Variants in PPARGC1A observed in about 807,000 individuals in gnomAD.
The protein encoded by PPARGC1A is peroxisome proliferator-activated receptor gamma coactivator 1-alpha.
A neutral mutation model predicts 88.7 loss-of-function variants in PPARGC1A; 25 were observed. The ratio of observed to expected loss-of-function variants is 0.28; its 90% CI spans 0.21 to 0.39. PPARGC1A has a LOEUF of 0.39. Ranked by LOEUF, PPARGC1A falls within the 10% of genes least tolerant of loss-of-function variation. The pLI, the probability that PPARGC1A is intolerant of heterozygous loss-of-function variation, is 1.00. For synonymous variants in PPARGC1A, 363 were observed against 355.6 expected (o/e 1.02, Z -0.24); for missense variants, 880 against 968.7 (o/e 0.91, Z 1.22).
chr4:24,002,010 G>A, the PPARGC1A span, among the ~76,000 whole-genome samples: 28 of 151,860 alleles, frequency 1.8e-4, no homozygotes, highest in African/African-American at 5.3e-4. Context: ...CATCCTGGCC[G>A]TCAGGAAGTC....
At chr4:23,904,814 G>T (rs960547170), upstream of PPARGC1A, among the ~76,000 whole-genome samples, 1 of 152,176 alleles carries the variant, frequency 6.6e-6, no homozygotes, top group African/African-American at 2.4e-5. Flanking sequence ...ATTACTCACA[G>T]AAGGGCACCC....
the PPARGC1A span, among the ~76,000 whole-genome samples, chr4:24,465,346 G>A: frequency 1.3e-5 from 2 of 151,966 alleles, no homozygotes; most frequent in East Asian, 1.9e-4. Flanking sequence ...CATAGAATCC[G>A]AAAGAAAGAA....
chr4:24,175,312 T>C, the PPARGC1A span, among the ~76,000 whole-genome samples: 1 of 151,566 alleles, frequency 6.6e-6, no homozygotes, highest in Non-Finnish European at 1.5e-5. Context: ...CATTTTGTGA[T>C]AACAACCATT....
At chr4:24,022,198 C>T in the PPARGC1A span, among the ~76,000 whole-genome samples, 10 of 152,144 alleles carry the variant, frequency 6.6e-5, no homozygotes, top group African/African-American at 2.4e-4. Flanking sequence ...TTCTGCCTGG[C>T]TCTCTGTATC....
the PPARGC1A span, among the ~76,000 whole-genome samples, chr4:24,361,511 TTCTC>T: frequency 1.3e-5 from 2 of 151,950 alleles, no homozygotes; most frequent in Non-Finnish European, 2.9e-5. Flanking sequence ...CTCTGCCTCT[TTCTC>T]TCTCTCTCTC....
chr4:24,036,135 C>T, the PPARGC1A span, among the ~76,000 whole-genome samples: 1 of 152,132 alleles, frequency 6.6e-6, no homozygotes, highest in African/African-American at 2.4e-5. Flanking sequence ...TTGCCTATCT[C>T]ATAGAGTTAT....
At chr4:24,047,619 C>A in the PPARGC1A span, among the ~76,000 whole-genome samples, 2 of 152,160 alleles carry the variant, frequency 1.3e-5, no homozygotes. Flanking sequence ...CCCGGGCAGA[C>A]AGACACATAC....
the PPARGC1A span, among the ~76,000 whole-genome samples, chr4:24,082,590 A>G: frequency 6.6e-6 from 1 of 152,194 alleles, no homozygotes; most frequent in Admixed American, 6.5e-5. Context: ...ACCAGCTGCT[A>G]TGACTTGAGG....
the PPARGC1A span, among the ~76,000 whole-genome samples, chr4:24,035,255 T>C: frequency 2.2e-4 from 34 of 152,124 alleles, no homozygotes; most frequent in Non-Finnish European, 4.6e-4. Context: ...AAAAAAAACT[T>C]TGGACCAGGT....
At chr4:24,232,612 G>A in the PPARGC1A span, among the ~76,000 whole-genome samples, 1 of 152,178 alleles carries the variant, frequency 6.6e-6, no homozygotes, top group African/African-American at 2.4e-5. Flanking sequence ...TAGTAATACA[G>A]GGATGCACAA....
the PPARGC1A span, among the ~76,000 whole-genome samples, chr4:23,936,290 A>G: frequency 6.6e-6 from 1 of 152,234 alleles, no homozygotes; most frequent in African/African-American, 2.4e-5. Context: ...TACTTTGCAC[A>G]GATGGATTGA....
chr4:24,047,626 A>G, the PPARGC1A span, among the ~76,000 whole-genome samples: 3 of 152,214 alleles, frequency 2.0e-5, no homozygotes. Flanking sequence ...AGACAGACAC[A>G]TACAAACCCC....
the PPARGC1A span, among the ~76,000 whole-genome samples, chr4:24,383,199 A>G: frequency 6.6e-6 from 1 of 152,194 alleles, no homozygotes; most frequent in African/African-American, 2.4e-5. Flanking sequence ...AAGAACATCC[A>G]CATAGAAAGC....
In PPARGC1A at chr4:23,795,752, T is replaced by C; in HGVS notation, c.*70A>G. 2 of 1,219,930 alleles carry C rather than the reference T, an allele frequency of 1.6e-6. No homozygotes were observed. The highest frequency in any genetic ancestry group is 2.3e-6 in the Non-Finnish European group (2 of 863,068). 75.6% of individuals were successfully genotyped at this position (1,219,930 alleles called of 1,614,324 possible). A position where few individuals can be genotyped will look rare whatever the true frequency, so the allele number is the denominator to read the frequency against. On this transcript the variant is annotated 3_prime_UTR_variant, in exon 13 of 13. Transcript: ENST00000264867. ...AATTCCTAAGTATGACTTGCAATAG[T>C]CTTTAGGGAAGGACGCGCTGTCCCA...
chr4:24,106,563 A>G, the PPARGC1A span, among the ~76,000 whole-genome samples: 1 of 152,006 alleles, frequency 6.6e-6, no homozygotes. Flanking sequence ...TAGATCTTCT[A>G]TGGCAGACTG....
At chr4:24,355,947 G>A in the PPARGC1A span, among the ~76,000 whole-genome samples, 56,508 of 151,664 alleles carry the variant, frequency 0.37, 10,861 homozygotes, top group Non-Finnish European at 0.4. Context: ...CTGTAATCCC[G>A]GTACTTTGGG....
chr4:24,322,617 C>A, the PPARGC1A span, among the ~76,000 whole-genome samples: 1 of 152,222 alleles, frequency 6.6e-6, no homozygotes, highest in Non-Finnish European at 1.5e-5. Context: ...AACAGGCTTA[C>A]ATAGGCTTTG....
At chr4:24,061,863 C>T in the PPARGC1A span, among the ~76,000 whole-genome samples, 1 of 152,216 alleles carries the variant, frequency 6.6e-6, no homozygotes, top group Non-Finnish European at 1.5e-5. Context: ...TTGGTTCAGC[C>T]AGCTGCCCAG....
chr4:24,221,829 T>C, the PPARGC1A span, among the ~76,000 whole-genome samples: 4 of 149,862 alleles, frequency 2.7e-5, no homozygotes, highest in African/African-American at 9.8e-5. Flanking sequence ...TATACTTAAA[T>C]TAACTAGCTA....
Sources: allele counts gnomAD v4.1 joint callset (sites outside exome capture counted in the v4.1 genomes callset), GRCh38; gene constraint gnomAD v4.1.1; transcripts MANE v1.5; gene names NCBI Gene and HGNC (gene_info 2026-07-23, HGNC 2026-07-21).